EPB41L4B: variants seen among roughly 807,000 people sequenced by gnomAD.
EPB41L4B encodes the protein erythrocyte membrane protein band 4.1 like 4B.
Under a neutral mutation model 112.5 loss-of-function variants are expected in EPB41L4B, and 30 were observed. The ratio of observed to expected loss-of-function variants is 0.27; its 90% CI spans 0.20 to 0.36. EPB41L4B has a LOEUF of 0.36. Ranked by LOEUF, EPB41L4B falls within the 10% of genes least tolerant of loss-of-function variation. The pLI is 1.00. For missense variants in EPB41L4B, 1,024 were observed against 1,133.3 expected, an observed-to-expected ratio of 0.90 and a Z score of 1.38; for synonymous variants, 408 against 439.7, an observed-to-expected ratio of 0.93 and a Z score of 0.90.
rs1329170292 is a variant in EPB41L4B, at chr9:109,320,549, C to G, written c.-103G>C. ...AGCGTCCCGCGACGCCGTCAGTGCC[C>G]TCGGCCGCCCGCGCCGCCTCTCGCG... On this transcript the variant is annotated 5_prime_UTR_variant, in exon 1 of 26. Transcript: ENST00000374566. 4.8e-6 allele frequency: 3 copies of G among 628,946 alleles called. No individual in the cohort carries two copies. In the Admixed American group the frequency reaches 2.0e-4, roughly 41 times the overall value. 39.0% of individuals were successfully genotyped at this position (628,946 alleles called of 1,614,324 possible).
At chr9:109,185,295 T>C (rs1166803477) in intron 23 of EPB41L4B, among the ~76,000 whole-genome samples, 194 bp downstream of exon 23, 2 of 152,224 alleles carry the variant, frequency 1.3e-5, no homozygotes, top group Admixed American at 6.5e-5. Context: ...GTGGGCTCCA[T>C]AGCTGCATGT....
chr9:109,182,673 C>T, intron 24 of EPB41L4B, 56 bp downstream of exon 24: 1 of 1,330,346 alleles, frequency 7.5e-7, no homozygotes, highest in South Asian at 1.2e-5. Flanking sequence ...CGCAGAAAAG[C>T]ACACCGCATG....
rs533142948 is a variant in EPB41L4B at position 109,268,449 on chromosome 9, A to G, written c.412-16T>C. The G allele has an allele frequency of 1.9e-6, 3 of 1,605,242 alleles. No individual in the cohort carries two copies. The highest frequency in any genetic ancestry group is 1.3e-5 in the African/African-American group (1 of 74,440). On this transcript the variant is annotated splice_polypyrimidine_tract_variant and intron_variant, in intron 2 of 25. Transcript: ENST00000374566. ...CCAGCCAGTGCTGAAAGAAAGAAAA[A>G]AAGTTTCTTTAGGAATAGTTCATCA...
At chr9:109,307,136 C>T (rs1381703605) in intron 1 of EPB41L4B, 1 of 371,138 alleles carries the variant, frequency 2.7e-6, no homozygotes, top group African/African-American at 2.1e-5. Context: ...AGAGCTCATT[C>T]CCTGAAGCGA....
At chr9:109,178,501 G>A (rs1831929207) in intron 24 of EPB41L4B, among the ~76,000 whole-genome samples, 1 of 151,676 alleles carries the variant, frequency 6.6e-6, no homozygotes, top group African/African-American at 2.4e-5. Context: ...TCAGCCTCCT[G>A]AGTAGCTGGG....
intron 2 of EPB41L4B, among the ~76,000 whole-genome samples, chr9:109,273,666 C>G (rs1835708536): frequency 6.6e-6 from 1 of 152,160 alleles, no homozygotes; most frequent in Admixed American, 6.5e-5. Context: ...GCAAGCCCCC[C>G]CACACCCCCA....
chr9:109,205,123 A>G (rs1832953018), intron 18 of EPB41L4B, among the ~76,000 whole-genome samples: 1 of 152,180 alleles, frequency 6.6e-6, no homozygotes, highest in African/African-American at 2.4e-5. Flanking sequence ...TAAGAAGCTG[A>G]TGTGTACTGG....
At chr9:109,191,349 C>T (rs1411197826) in intron 22 of EPB41L4B, among the ~76,000 whole-genome samples, 1 of 152,196 alleles carries the variant, frequency 6.6e-6, no homozygotes, top group Non-Finnish European at 1.5e-5. Flanking sequence ...GAAGTGGTGG[C>T]TGTGTCTCAG....
chr9:109,272,142 C>T (rs1185203199), intron 2 of EPB41L4B, among the ~76,000 whole-genome samples: 1 of 152,138 alleles, frequency 6.6e-6, no homozygotes, highest in African/African-American at 2.4e-5. Flanking sequence ...TTTCTAGGAC[C>T]TGCAAATTTT....
rs868587936 is a variant in EPB41L4B, at chr9:109,309,571, A to T, written c.306+10570T>A. ...TGAAAATCATAAAACAAAACATTCC[A>T]GGAAGAACTACACATTGCTAACAAC... On this transcript the variant is annotated intron_variant, in intron 1 of 25. Transcript: ENST00000374566. Among the ~76,000 whole-genome samples the T allele has an allele frequency of 1.5e-4, 23 of 152,302 alleles. No individual in the cohort carries two copies. The Middle Eastern group carries it at 0.014, about 90-fold the overall frequency.
chr9:109,253,699 C>G (rs1834878938), intron 11 of EPB41L4B, 149 bp from the exon 12 acceptor site: 1 of 636,976 alleles, frequency 1.6e-6, no homozygotes. Flanking sequence ...AAAGTTTAAC[C>G]TTCCATTTGG....
At chr9:109,300,918 G>A (rs1018508172) in intron 1 of EPB41L4B, 1 of 152,124 alleles carries the variant, frequency 6.6e-6, no homozygotes, top group Non-Finnish European at 1.5e-5. Context: ...ACTATCCCTA[G>A]GAGGACTGCC....
chr9:109,206,438 C>G (rs1832996192), intron 18 of EPB41L4B, among the ~76,000 whole-genome samples: 1 of 152,238 alleles, frequency 6.6e-6, no homozygotes, highest in Non-Finnish European at 1.5e-5. Flanking sequence ...CCGCCTTGGC[C>G]TTCCAATGTG....
rs760569602 is a variant in EPB41L4B at position 109,264,998 on chromosome 9, T to C, written c.560A>G (p.His187Arg). 2.5e-5 allele frequency: 40 copies of C among 1,608,766 alleles called. No individual in the cohort carries two copies. The highest frequency in any genetic ancestry group is 3.3e-5 in the South Asian group (3 of 89,902). The change falls in exon 5 of 26, where the codon CAT (histidine) becomes CGT (arginine). Residue 187 changes from histidine (H) to arginine (R), a missense_variant. Physicochemically the swap from His to Arg is conservative, Grantham distance 29. Transcript: ENST00000374566. The part of the protein sequence containing the change: ...TRYLFVLQLR[H>R]DILSGKLKCP... ...TACTTACTTTCCAGAAAGAATGTCA[T>C]GCCTGAGTTGTAAAACAAACAGGTA...
intron 1 of EPB41L4B, among the ~76,000 whole-genome samples, chr9:109,283,461 G>A (rs934349274): frequency 6.6e-6 from 1 of 152,170 alleles, no homozygotes; most frequent in Admixed American, 6.5e-5. Context: ...GGCAGGATAT[G>A]CAACTGGAGA....
At chr9:109,278,793 A>G (rs1835931008) in intron 2 of EPB41L4B, among the ~76,000 whole-genome samples, 2 of 152,166 alleles carry the variant, frequency 1.3e-5, no homozygotes, top group African/African-American at 4.8e-5. Context: ...CATAATGGGC[A>G]CTCCATAAAT....
At chr9:109,289,753 C>G (rs531918810) in intron 1 of EPB41L4B, among the ~76,000 whole-genome samples, 1 of 152,290 alleles carries the variant, frequency 6.6e-6, no homozygotes, top group East Asian at 1.9e-4. Flanking sequence ...AATGCTATGC[C>G]TTTTATATAC....
intron 5 of EPB41L4B, 34 bp downstream of exon 5, chr9:109,264,946 C>A: frequency 6.4e-7 from 1 of 1,571,076 alleles, no homozygotes; most frequent in Non-Finnish European, 8.6e-7. Context: ...TATGATCTAT[C>A]CTGGGTTAAG....
chr9:109,226,668 AATAT>A (rs374639453), intron 15 of EPB41L4B, among the ~76,000 whole-genome samples: 51,773 of 125,248 alleles, frequency 0.41, 11,825 homozygotes, highest in Admixed American at 0.55. Context: ...ATATATGAAG[AATAT>A]ATATATATGA....
Sources: allele counts gnomAD v4.1 joint callset (sites outside exome capture counted in the v4.1 genomes callset), GRCh38; gene constraint gnomAD v4.1.1; transcripts MANE v1.5; gene names NCBI Gene and HGNC (gene_info 2026-07-23, HGNC 2026-07-21).